The following SPMIP7 variants were observed in gnomAD, a reference collection of about 807,000 sequenced individuals.
SPMIP7 encodes the protein protein SPMIP7.
At chr7:50,135,955 C>G in the SPMIP7 span, 1 of 592,654 alleles carries the variant, frequency 1.7e-6, no homozygotes, top group Non-Finnish European at 3.1e-6. Context: ...CCATGAAGTG[C>G]TAGCAAAGCT....
the SPMIP7 span, among the ~76,000 whole-genome samples, chr7:50,117,004 G>A: frequency 1.3e-5 from 2 of 152,160 alleles, no homozygotes; most frequent in African/African-American, 4.8e-5. Context: ...GAAACAATAA[G>A]AGGCGTTCTC....
the SPMIP7 span, among the ~76,000 whole-genome samples, chr7:50,125,191 T>C: frequency 3.3e-5 from 1 of 30,704 alleles, no homozygotes; most frequent in African/African-American, 1.1e-4. Flanking sequence ...TACACATATA[T>C]ACACATATAT....
At chr7:50,135,765 G>C in the SPMIP7 span, among the ~76,000 whole-genome samples, 3 of 152,146 alleles carry the variant, frequency 2.0e-5, no homozygotes, top group African/African-American at 7.2e-5. Context: ...GTTTGCAGAG[G>C]GTAGACTACA....
the SPMIP7 span, among the ~76,000 whole-genome samples, chr7:50,122,761 T>C: frequency 1.3e-5 from 2 of 151,932 alleles, no homozygotes; most frequent in Admixed American, 1.3e-4. Flanking sequence ...GCAAAGGACA[T>C]GAACAGACAC....
At chr7:50,117,122 A>C in the SPMIP7 span, 7 of 369,394 alleles carry the variant, frequency 1.9e-5, no homozygotes, top group South Asian at 1.3e-4. Flanking sequence ...TTGAGAAGAC[A>C]GCCATGAGGA....
At chr7:50,100,274 G>T in the SPMIP7 span, among the ~76,000 whole-genome samples, 1 of 152,180 alleles carries the variant, frequency 6.6e-6, no homozygotes, top group South Asian at 2.1e-4. Context: ...TGATTGTCTG[G>T]TACTGCACCA....
the SPMIP7 span, chr7:50,151,620 G>C: frequency 8.7e-7 from 1 of 1,150,998 alleles, no homozygotes; most frequent in Non-Finnish European, 1.2e-6. Flanking sequence ...CCTAATTGTG[G>C]TTATTCCATT....
At chr7:50,125,595 TG>T in the SPMIP7 span, among the ~76,000 whole-genome samples, 15 of 150,156 alleles carry the variant, frequency 1.0e-4, no homozygotes, top group South Asian at 2.8e-3. Context: ...GGTGTGTGTG[TG>T]TGTGTGTGTG....
At chr7:50,145,676 G>A in the SPMIP7 span, among the ~76,000 whole-genome samples, 1 of 89,060 alleles carries the variant, frequency 1.1e-5, no homozygotes. Flanking sequence ...TACATATATG[G>A]GAGAGAGCCC....
chr7:50,106,730 A>G, the SPMIP7 span, among the ~76,000 whole-genome samples: 2 of 152,196 alleles, frequency 1.3e-5, no homozygotes, highest in Admixed American at 6.5e-5. Context: ...TGTTGCAAAT[A>G]TGCGTAAAAT....
At chr7:50,125,417 C>CA in the SPMIP7 span, among the ~76,000 whole-genome samples, 1 of 137,570 alleles carries the variant, frequency 7.3e-6, no homozygotes, top group Non-Finnish European at 1.6e-5. Context: ...TATAAAGAAA[C>CA]TAGAAAAATG....
At chr7:50,097,937 A>C in the SPMIP7 span, among the ~76,000 whole-genome samples, 1 of 152,186 alleles carries the variant, frequency 6.6e-6, no homozygotes, top group Non-Finnish European at 1.5e-5. Context: ...AGTAGCTCTT[A>C]TTATTAACTA....
At chr7:50,145,616 GTGTATATATATATATATATATA>G in the SPMIP7 span, among the ~76,000 whole-genome samples, 6 of 26,950 alleles carry the variant, frequency 2.2e-4, 1 homozygote, top group Admixed American at 2.0e-3. Flanking sequence ...GTATATGTGT[GTGTATATATATATATATATATA>G]TATATATATA....
the SPMIP7 span, among the ~76,000 whole-genome samples, chr7:50,116,905 G>A: frequency 2.0e-5 from 3 of 152,288 alleles, no homozygotes; most frequent in East Asian, 1.9e-4. Context: ...ATGTTCACTC[G>A]CTAGGATGTA....
At chr7:50,099,960 G>A in the SPMIP7 span, among the ~76,000 whole-genome samples, 7,168 of 152,236 alleles carry the variant, frequency 0.047, 191 homozygotes, top group African/African-American at 0.067. Context: ...GGCAACTACC[G>A]AGAAGTTGGG....
chr7:50,116,144 C>A, the SPMIP7 span, among the ~76,000 whole-genome samples: 1 of 152,142 alleles, frequency 6.6e-6, no homozygotes, highest in Admixed American at 6.6e-5. Context: ...AAGACAGAGT[C>A]CTGCTTTGTC....
At chr7:50,117,100 A>T in the SPMIP7 span, among the ~76,000 whole-genome samples, 1 of 152,226 alleles carries the variant, frequency 6.6e-6, no homozygotes, top group Non-Finnish European at 1.5e-5. Context: ...ACTCAGTATC[A>T]GAGCCTTTAC....
chr7:50,136,369 T>G, the SPMIP7 span, among the ~76,000 whole-genome samples: 5 of 152,122 alleles, frequency 3.3e-5, no homozygotes, highest in Non-Finnish European at 7.4e-5. Context: ...TTCCTTTACT[T>G]TCTCTTTACC....
chr7:50,116,013 T>C, the SPMIP7 span, among the ~76,000 whole-genome samples: 1 of 152,166 alleles, frequency 6.6e-6, no homozygotes, highest in Non-Finnish European at 1.5e-5. Context: ...ATAAAAATGG[T>C]ATACAAATTG....
Sources: allele counts gnomAD v4.1 joint callset (sites outside exome capture counted in the v4.1 genomes callset), GRCh38; gene constraint gnomAD v4.1.1; transcripts MANE v1.5; gene names NCBI Gene and HGNC (gene_info 2026-07-23, HGNC 2026-07-21).